Variants in OR9A4 observed in about 807,000 individuals in gnomAD.
OR9A4 encodes olfactory receptor 9A4.
Under a neutral mutation model 17.1 loss-of-function variants are expected in OR9A4, and 16 were observed. That is an observed-to-expected ratio of 0.94 (90% CI 0.64 to 1.43). OR9A4 has a LOEUF of 1.43. Ranked by LOEUF, OR9A4 falls within the 40% of genes most tolerant of loss-of-function variation. OR9A4 has a pLI of 0.00. For missense variants in OR9A4, 392 were observed against 382.1 expected (o/e 1.03, Z -0.22); for synonymous variants, 167 against 143.3 (o/e 1.17, Z -1.18).
At position 141,919,239 on chromosome 7, in the gene OR9A4, C is replaced by T. The variant is rs782701483; in HGVS notation, c.364C>T (p.Arg122Cys). The change falls in exon 2 of 2, where the codon CGT becomes TGT. Residue 122 changes from arginine (R) to cysteine (C), a missense_variant. By Grantham distance (180) the Arg-to-Cys change is radical. Transcript: ENST00000641559. ...FALLGAMAVDRYVAVCNPLRY... is the reference protein window; with the variant it reads ...FALLGAMAVDCYVAVCNPLRY... ...ATTACTTGGAGCAATGGCTGTGGAC[C>T]GTTATGTGGCTGTCTGTAACCCTCT... is the stretch of plus-strand genomic sequence containing the variant. The T allele has an allele frequency of 5.0e-6, 8 of 1,613,904 alleles. No individual in the cohort carries two copies. The highest frequency in any genetic ancestry group is 2.2e-5 in the East Asian group (1 of 44,882).
intron 1 of OR9A4, among the ~76,000 whole-genome samples, 173 bp downstream of exon 1, chr7:141,916,809 G>A (rs931679177): frequency 2.0e-5 from 3 of 152,190 alleles, no homozygotes; most frequent in Admixed American, 6.5e-5. Flanking sequence ...CTCCAGAGCA[G>A]AGGGCAGAAT....
intron 1 of OR9A4, among the ~76,000 whole-genome samples, chr7:141,917,787 T>G (rs1300622506): frequency 6.6e-6 from 1 of 152,166 alleles, no homozygotes; most frequent in Non-Finnish European, 1.5e-5. Context: ...AGCTAGAAAT[T>G]GTTAACTGGG....
At position 141,919,986 on chromosome 7, in the gene OR9A4, G is replaced by A; in HGVS notation, c.*166G>A. The A allele has an allele frequency of 1.8e-6, 1 of 555,938 alleles. No homozygotes were observed. The highest frequency in any genetic ancestry group is 2.9e-5 in the East Asian group (1 of 34,560). 34.4% of individuals were successfully genotyped at this position (555,938 alleles called of 1,614,324 possible). On this transcript the variant is annotated 3_prime_UTR_variant, in exon 2 of 2. Transcript: ENST00000641559. ...ACAGCTACGGTTTTTAGTATGCTTA[G>A]TTGTTACTTGAAACTCAGTCTATTA...
chr7:141,918,838 C>T lies in OR9A4; in HGVS notation c.-30-8C>T. 2 of 1,435,734 alleles carry T rather than the reference C, an allele frequency of 1.4e-6. No homozygotes were observed. Among genetic ancestry groups the T allele is most frequent in the Non-Finnish European group, 1.9e-6 (2 of 1,048,548 alleles). The allele number at this position is 1,435,734 out of a possible 1,614,324, so 88.9% of individuals were successfully genotyped here. On this transcript the variant is annotated splice_region_variant and splice_polypyrimidine_tract_variant and intron_variant, in intron 1 of 1. Coordinates refer to ENST00000641559, the MANE Select transcript of OR9A4 (RefSeq NM_001001656.3). The stretch of plus-strand genomic sequence containing the variant: ...ATAAGCGGTTGTTCTCTCTCTTTTG[C>T]TCTCTAGATTTCACAAGGAACAAGG...
rs782435363 is a variant in OR9A4, at chr7:141,919,212, G to A, written c.337G>A (p.Ala113Thr). 31 of 1,613,974 alleles carry A rather than the reference G, an allele frequency of 1.9e-5. No individual in the cohort carries two copies. Among genetic ancestry groups the A allele is most frequent in the Non-Finnish European group, 2.5e-5 (30 of 1,180,022 alleles). The change falls in exon 2 of 2, where the codon GCA becomes ACA. Residue 113 changes from alanine to threonine, a missense_variant. Coordinates refer to ENST00000641559, the MANE Select transcript of OR9A4 (RefSeq NM_001001656.3). Reference sequence around the variant, plus strand: ...CCTTGCTGTGGGGACAACAGAGTTCGCATTACTTGGAGCAATGGCTGTGGA... The same window carrying A: ...CCTTGCTGTGGGGACAACAGAGTTCACATTACTTGGAGCAATGGCTGTGGA... ...LYLAVGTTEF[A>T]LLGAMAVDRY...
intron 1 of OR9A4, among the ~76,000 whole-genome samples, chr7:141,917,083 A>C (rs1336867771): frequency 2.0e-5 from 3 of 152,186 alleles, no homozygotes; most frequent in African/African-American, 7.2e-5. Flanking sequence ...TACAGAGTGC[A>C]TACTCTGTTC....
At chr7:141,918,566 T>C (rs985498713) in intron 1 of OR9A4, among the ~76,000 whole-genome samples, 2 of 152,118 alleles carry the variant, frequency 1.3e-5, no homozygotes, top group Non-Finnish European at 2.9e-5. Flanking sequence ...GAGAGCAGAG[T>C]TGGAGGCAGA....
intron 1 of OR9A4, among the ~76,000 whole-genome samples, chr7:141,917,169 T>C (rs914300195): frequency 4.6e-5 from 7 of 152,292 alleles, no homozygotes; most frequent in Admixed American, 2.0e-4. Context: ...GACCTACCTA[T>C]GAAGTATTTA....
chr7:141,916,685 G>C (rs1231270402), intron 1 of OR9A4, 49 bp downstream of exon 1: 2 of 152,330 alleles, frequency 1.3e-5, no homozygotes, highest in African/African-American at 4.8e-5. Flanking sequence ...GACAGTAGGA[G>C]AGCATCATGA....
chr7:141,919,465 T>C lies in OR9A4; in HGVS notation c.590T>C (p.Phe197Ser). ...TGCAATAATACTCTTTTCACGGAGT[T>C]TATCCTCTTCTTAATGGCTGTTTTT... is the stretch of plus-strand genomic sequence containing the variant. ...LSCNNTLFTE[F>S]ILFLMAVFVL... is the part of the protein sequence containing the mutation. The change falls in exon 2 of 2, where the codon TTT (phenylalanine) becomes TCT (serine). Residue 197 changes from phenylalanine (F) to serine (S), a missense_variant. Physicochemically the swap from Phe to Ser is radical, Grantham distance 155. Coordinates refer to ENST00000641559, the MANE Select transcript of OR9A4 (RefSeq NM_001001656.3). 6.2e-7 allele frequency: 1 copy of C among 1,614,162 alleles called. No individual in the cohort carries two copies. The highest frequency in any genetic ancestry group is 8.5e-7 in the Non-Finnish European group (1 of 1,180,032).
intron 1 of OR9A4, among the ~76,000 whole-genome samples, chr7:141,917,405 A>AGTTC (rs1802203050): frequency 6.6e-6 from 1 of 152,186 alleles, no homozygotes; most frequent in Non-Finnish European, 1.5e-5. Context: ...CATTCTAAGG[A>AGTTC]GTTCAGAGTG....
chr7:141,920,159 C>A lies in OR9A4; in HGVS notation c.*339C>A. The A allele has an allele frequency of 5.3e-6, 1 of 187,764 alleles. No individual in the cohort carries two copies. Among genetic ancestry groups the A allele is most frequent in the Non-Finnish European group, 1.1e-5 (1 of 90,166 alleles). 11.6% of individuals were successfully genotyped at this position (187,764 alleles called of 1,614,324 possible). On this transcript the variant is annotated 3_prime_UTR_variant, in exon 2 of 2. Transcript: ENST00000641559. ...AAAATAGACTAGTGGTTGCTTAGGG[C>A]TGAGGGGAATGCAGACATAGGGTAG...
At chr7:141,917,145 C>T (rs775597662) in intron 1 of OR9A4, among the ~76,000 whole-genome samples, 10 of 151,888 alleles carry the variant, frequency 6.6e-5, no homozygotes, top group East Asian at 1.9e-4. Context: ...ATGAAGTGAA[C>T]GAGAAAGAGA....
rs534758710 is a variant in OR9A4, at chr7:141,916,968, G to A, written c.-31+332G>A. On this transcript the variant is annotated intron_variant, in intron 1 of 1. Coordinates refer to ENST00000641559, the MANE Select transcript of OR9A4 (RefSeq NM_001001656.3). ...GAGAGAGATTGCAGGTTGACTTTATGTTGCTTCAGAGAAGAATGAATGGAG... is the reference window on the plus strand; with the variant it reads ...GAGAGAGATTGCAGGTTGACTTTATATTGCTTCAGAGAAGAATGAATGGAG... Among the ~76,000 whole-genome samples, 119 of 152,310 alleles carry A rather than the reference G, an allele frequency of 7.8e-4. 2 individuals are homozygous for A. In the South Asian group the frequency reaches 0.023, roughly 30 times the overall value.
chr7:141,916,913 C>A (rs2128958330), intron 1 of OR9A4, among the ~76,000 whole-genome samples: 1 of 152,330 alleles, frequency 6.6e-6, no homozygotes, highest in South Asian at 2.1e-4. Context: ...TTCCATATAT[C>A]TGCCTGCCAC....
chr7:141,916,429 T>C lies in OR9A4; in HGVS notation c.-238T>C. 1 of 152,188 alleles carries C rather than the reference T, an allele frequency of 6.6e-6. No homozygotes were observed. The highest frequency in any genetic ancestry group is 1.5e-5 in the Non-Finnish European group (1 of 68,076). The allele number at this position is 152,188 out of a possible 1,614,324, so 9.4% of individuals were successfully genotyped here. On this transcript the variant is annotated 5_prime_UTR_variant, in exon 1 of 2. Transcript: ENST00000641559. The stretch of plus-strand genomic sequence containing the variant: ...AAGGAAGCAAAGAGAAGGAGAGAGA[T>C]AGAGACAGTTGGACTCTCTCCTCAG...
chr7:141,917,317 A>T (rs894383297), intron 1 of OR9A4, among the ~76,000 whole-genome samples: 6 of 152,200 alleles, frequency 3.9e-5, no homozygotes, highest in African/African-American at 1.4e-4. Context: ...ATTGTTTTAG[A>T]GAAGCTGAGT....
chr7:141,918,957 G>A lies in OR9A4; in HGVS notation c.82G>A (p.Ala28Thr), dbSNP rs1554439008. 5 of 1,613,204 alleles carry A rather than the reference G, an allele frequency of 3.1e-6. No individual in the cohort carries two copies. Among genetic ancestry groups the A allele is most frequent in the Non-Finnish European group, 4.2e-6 (5 of 1,179,806 alleles). Residue 28 changes from alanine (A) to threonine (T), a missense_variant, in exon 2 of 2, where the codon GCT becomes ACT. By Grantham distance (58) the Ala-to-Thr change is moderately conservative. Coordinates refer to ENST00000641559, the MANE Select transcript of OR9A4 (RefSeq NM_001001656.3). ...TGAAGAACTACATCATATCCTTTTTGCTATATTCTTCTTTTTCTACTTGGT... is the reference window on the plus strand; with the variant it reads ...TGAAGAACTACATCATATCCTTTTTACTATATTCTTCTTTTTCTACTTGGT... ...GSEELHHILF[A>T]IFFFFYLVTL...
Position 141,919,707 on chromosome 7 carries a change from G to A in OR9A4, c.832G>A (p.Val278Ile). 1.2e-6 allele frequency: 2 copies of A among 1,614,180 alleles called. No individual in the cohort carries two copies. Among genetic ancestry groups the A allele is most frequent in the African/African-American group, 1.3e-5 (1 of 75,050 alleles). ...TTACAATTGGGTAGTTTCCCTGATG[G>A]TTTCAGTAGTAACTCCTTTCCTCAA... ...ADYNWVVSLMVSVVTPFLNPF... is the reference protein window; with the variant it reads ...ADYNWVVSLMISVVTPFLNPF... The change falls in exon 2 of 2, where the codon GTT becomes ATT. Residue 278 changes from valine to isoleucine, a missense_variant. Transcript: ENST00000641559.
Sources: gnomAD v4.1 joint callset for allele counts (sites outside exome capture counted in the v4.1 genomes callset) on GRCh38, gnomAD v4.1.1 for gene constraint, MANE v1.5 for transcripts, NCBI Gene and HGNC (gene_info 2026-07-23, HGNC 2026-07-21) for gene names.